Variants in C12orf42 observed in about 807,000 individuals in gnomAD.
C12orf42 encodes chromosome 12 open reading frame 42.
Under a neutral mutation model 21.6 loss-of-function variants are expected in C12orf42, and 25 were observed. That is an observed-to-expected ratio of 1.16 (90% confidence interval 0.84 to 1.62). C12orf42 has a LOEUF of 1.62. Ranked by LOEUF, C12orf42 falls within the 40% of genes most tolerant of loss-of-function variation. The pLI is 0.00. For synonymous variants in C12orf42, 174 were observed against 175.0 expected, an observed-to-expected ratio of 0.99 and a Z score of 0.05; for missense variants, 483 against 459.3, an observed-to-expected ratio of 1.05 and a Z score of -0.47.
At chr12:103,237,232 G>C (rs548074466), downstream of C12orf42, among the ~76,000 whole-genome samples, 11 of 152,244 alleles carry the variant, frequency 7.2e-5, no homozygotes, top group African/African-American at 2.4e-4. Flanking sequence ...TGCTTTTCCT[G>C]GTGGGCTTGA....
chr12:103,358,115 A>G (rs984811566), intron 4 of C12orf42, among the ~76,000 whole-genome samples: 3 of 152,028 alleles, frequency 2.0e-5, no homozygotes, highest in African/African-American at 4.8e-5. Flanking sequence ...TCATAGAATG[A>G]CATAAGGGTT....
intron 2 of C12orf42, among the ~76,000 whole-genome samples, chr12:103,435,551 C>A (rs1950629259): frequency 6.6e-6 from 1 of 152,010 alleles, no homozygotes; most frequent in African/African-American, 2.4e-5. Context: ...CAGAGAAGTG[C>A]TTAAAGGAGG....
intron 2 of C12orf42, chr12:103,478,123 A>G (rs543921389): frequency 9.4e-6 from 4 of 426,958 alleles, no homozygotes; most frequent in South Asian, 3.1e-5. Flanking sequence ...TTTTCCTAGC[A>G]TAAATGTAAT....
chr12:103,298,272 C>G (rs7970757), downstream of C12orf42, among the ~76,000 whole-genome samples: 1 of 152,092 alleles, frequency 6.6e-6, no homozygotes, highest in Non-Finnish European at 1.5e-5. Flanking sequence ...GGATACAAAA[C>G]CAATGTGCAA....
At chr12:103,236,444 G>C (rs892035644), downstream of C12orf42, among the ~76,000 whole-genome samples, 1 of 152,162 alleles carries the variant, frequency 6.6e-6, no homozygotes, top group Non-Finnish European at 1.5e-5. Flanking sequence ...TTTATCACCT[G>C]AAAGTGTCTT....
At chr12:103,217,807 GC>G in the C12orf42 span, among the ~76,000 whole-genome samples, 1 of 152,152 alleles carries the variant, frequency 6.6e-6, no homozygotes, top group Non-Finnish European at 1.5e-5. Context: ...TCCTTGTAGA[GC>G]CCCCCTTACT....
chr12:103,469,180 G>C (rs1291610970), intron 2 of C12orf42, among the ~76,000 whole-genome samples: 1 of 152,186 alleles, frequency 6.6e-6, no homozygotes, highest in Non-Finnish European at 1.5e-5. Flanking sequence ...CTTGGGAAGG[G>C]GCAGGGCAGA....
intron 4 of C12orf42, among the ~76,000 whole-genome samples, chr12:103,288,721 G>T (rs998215672): frequency 4.6e-5 from 7 of 152,092 alleles, no homozygotes; most frequent in African/African-American, 1.7e-4. Context: ...ATGGTAAGAT[G>T]CTTTATTTAT....
At chr12:103,511,193 CAT>C in the C12orf42 span, among the ~76,000 whole-genome samples, 1 of 152,126 alleles carries the variant, frequency 6.6e-6, no homozygotes, top group East Asian at 1.9e-4. Flanking sequence ...GTATACATTA[CAT>C]ACACACAGCT....
intron 10 of C12orf42, among the ~76,000 whole-genome samples, chr12:103,256,029 G>A (rs1280089807): frequency 8.5e-6 from 1 of 117,264 alleles, no homozygotes; most frequent in Non-Finnish European, 1.6e-5. Context: ...CTCCAGCCTG[G>A]GCGAAAGAGC....
chr12:103,342,018 T>C (rs1334395966), intron 4 of C12orf42, among the ~76,000 whole-genome samples: 2 of 152,018 alleles, frequency 1.3e-5, no homozygotes, highest in African/African-American at 4.8e-5. Flanking sequence ...ACTAACAGAA[T>C]CGAGAGAGAG....
the C12orf42 span, among the ~76,000 whole-genome samples, chr12:103,075,885 T>C: frequency 7.2e-5 from 11 of 152,150 alleles, no homozygotes; most frequent in Admixed American, 3.9e-4. Flanking sequence ...AAGAGTAAGA[T>C]GTTGACTGGG....
At chr12:103,555,559 C>A in the C12orf42 span, among the ~76,000 whole-genome samples, 1 of 152,198 alleles carries the variant, frequency 6.6e-6, no homozygotes, top group Non-Finnish European at 1.5e-5. Flanking sequence ...CCTGCCAATG[C>A]TGCTGATCCG....
intron 4 of C12orf42, among the ~76,000 whole-genome samples, chr12:103,320,410 T>G (rs577700268): frequency 6.6e-6 from 1 of 152,296 alleles, no homozygotes; most frequent in South Asian, 2.1e-4. Context: ...TTCTTAATAG[T>G]AAAGACCGGT....
At chr12:103,229,214 T>C in the C12orf42 span, among the ~76,000 whole-genome samples, 1 of 152,258 alleles carries the variant, frequency 6.6e-6, no homozygotes, top group Non-Finnish European at 1.5e-5. Flanking sequence ...TTCCTGCCTC[T>C]TCACTTTTGT....
At chr12:103,165,643 T>A in the C12orf42 span, among the ~76,000 whole-genome samples, 1 of 152,232 alleles carries the variant, frequency 6.6e-6, no homozygotes, top group Non-Finnish European at 1.5e-5. Context: ...TAACCAGTCA[T>A]GTGCCTGGTG....
chr12:103,268,177 T>A (rs1244904772), downstream of C12orf42: 1 of 151,972 alleles, frequency 6.6e-6, no homozygotes, highest in East Asian at 1.9e-4. Context: ...CTTTTCTCTG[T>A]CTCCTCTTCT....
chr12:103,513,794 C>T, the C12orf42 span, among the ~76,000 whole-genome samples: 18 of 152,058 alleles, frequency 1.2e-4, no homozygotes, highest in African/African-American at 4.3e-4. Context: ...CACTAGGACA[C>T]AGCCATTAAT....
At chr12:103,493,959 C>G (rs888311567) in intron 1 of C12orf42, among the ~76,000 whole-genome samples, 1 of 152,104 alleles carries the variant, frequency 6.6e-6, no homozygotes, top group Non-Finnish European at 1.5e-5. Context: ...CCAGTAAGTA[C>G]AATATTCACT....
Sources: gnomAD v4.1 joint callset for allele counts (sites outside exome capture counted in the v4.1 genomes callset) on GRCh38, gnomAD v4.1.1 for gene constraint, MANE v1.5 for transcripts, NCBI Gene and HGNC (gene_info 2026-07-23, HGNC 2026-07-21) for gene names.